Variants in LINGO2 observed in about 807,000 individuals in gnomAD.
The protein encoded by LINGO2 is leucine-rich repeat and immunoglobulin-like domain-containing nogo receptor-interacting protein 2.
A neutral mutation model predicts 30.6 loss-of-function variants in LINGO2; 14 were observed. The ratio of observed to expected loss-of-function variants is 0.46; its 90% confidence interval spans 0.30 to 0.72. LINGO2 has a LOEUF of 0.72. Among genes scored for constraint, LINGO2 ranks in the 30% least tolerant of loss-of-function variants. The pLI, the probability that LINGO2 is intolerant of heterozygous loss-of-function variation, is 0.07. For missense variants in LINGO2, 729 were observed against 751.7 expected (o/e 0.97, Z 0.35); for synonymous variants, 317 against 288.5 (o/e 1.10, Z -1.00).
chr9:28,970,502 G>A, the LINGO2 span, among the ~76,000 whole-genome samples: 98,688 of 151,866 alleles, frequency 0.65, 32,727 homozygotes, highest in Non-Finnish European at 0.72. Flanking sequence ...AAAAAATCTC[G>A]AATCGCTAAT....
the LINGO2 span, among the ~76,000 whole-genome samples, chr9:29,112,966 A>G: frequency 2.4e-4 from 37 of 152,240 alleles, no homozygotes; most frequent in Admixed American, 2.4e-3. Flanking sequence ...GACTTGCCCA[A>G]GATCTCACAT....
At chr9:28,441,158 T>C (rs2135016028) in intron 2 of LINGO2, among the ~76,000 whole-genome samples, 1 of 151,424 alleles carries the variant, frequency 6.6e-6, no homozygotes, top group Non-Finnish European at 1.5e-5. Flanking sequence ...CTGAGGCACC[T>C]TGATATTGGA....
intron 4 of LINGO2, among the ~76,000 whole-genome samples, chr9:28,134,748 TG>T (rs1191067224): frequency 6.6e-6 from 1 of 152,166 alleles, no homozygotes; most frequent in Admixed American, 6.5e-5. Context: ...TTAAAGACAA[TG>T]CCAGTGAAAA....
the LINGO2 span, among the ~76,000 whole-genome samples, chr9:28,797,359 T>TATAGAGAGAGAGAGAGAGAGAG: frequency 8.8e-5 from 3 of 34,206 alleles, no homozygotes; most frequent in East Asian, 1.6e-3. Flanking sequence ...TATATATATA[T>TATAGAGAGAGAGAGAGAGAGAG]AGAGAGAGAG....
At chr9:28,022,966 ACTC>A (rs1435809678) in intron 4 of LINGO2, among the ~76,000 whole-genome samples, 1 of 151,632 alleles carries the variant, frequency 6.6e-6, no homozygotes, top group Non-Finnish European at 1.5e-5. Flanking sequence ...CTACTAATGA[ACTC>A]CTCAAAGACA....
intron 4 of LINGO2, among the ~76,000 whole-genome samples, chr9:28,110,910 C>A (rs1450011498): frequency 6.6e-6 from 1 of 152,130 alleles, no homozygotes; most frequent in Non-Finnish European, 1.5e-5. Context: ...GATTATAAAT[C>A]ATTCTACTAT....
intron 1 of LINGO2, among the ~76,000 whole-genome samples, chr9:28,512,620 T>G (rs78670451): frequency 2.7e-5 from 1 of 37,166 alleles, no homozygotes; most frequent in South Asian, 1.1e-3. Context: ...TATATATATA[T>G]ATATATATAT....
chr9:28,943,865 A>C, the LINGO2 span, among the ~76,000 whole-genome samples: 3 of 152,292 alleles, frequency 2.0e-5, no homozygotes, highest in South Asian at 6.2e-4. Context: ...TCTTTGTTTA[A>C]GGGCCCAGTG....
chr9:28,837,086 G>C, the LINGO2 span, among the ~76,000 whole-genome samples: 1 of 152,080 alleles, frequency 6.6e-6, no homozygotes, highest in Non-Finnish European at 1.5e-5. Context: ...ATAAGTTCAG[G>C]CATCATAAAT....
chr9:28,294,957 T>C (rs533786047), intron 4 of LINGO2, among the ~76,000 whole-genome samples: 12 of 152,328 alleles, frequency 7.9e-5, no homozygotes, highest in Admixed American at 3.3e-4. Context: ...CTTTATAGTA[T>C]TGGCCTCTAC....
At chr9:28,138,258 G>A (rs565793965) in intron 4 of LINGO2, among the ~76,000 whole-genome samples, 43 of 152,228 alleles carry the variant, frequency 2.8e-4, no homozygotes, top group African/African-American at 9.4e-4. Context: ...CTAAAACACT[G>A]TTCAGTAATT....
the LINGO2 span, among the ~76,000 whole-genome samples, chr9:28,864,348 A>C: frequency 1.3e-5 from 2 of 152,122 alleles, no homozygotes; most frequent in Non-Finnish European, 2.9e-5. Flanking sequence ...ATGTTTATAA[A>C]ACTAAATTCT....
At chr9:28,522,504 G>A (rs1464199444) in intron 1 of LINGO2, among the ~76,000 whole-genome samples, 1 of 152,174 alleles carries the variant, frequency 6.6e-6, no homozygotes, top group African/African-American at 2.4e-5. Flanking sequence ...CACTCCATCA[G>A]AGTAGCACCA....
At chr9:28,712,215 G>A in the LINGO2 span, among the ~76,000 whole-genome samples, 1 of 152,012 alleles carries the variant, frequency 6.6e-6, no homozygotes, top group Non-Finnish European at 1.5e-5. Flanking sequence ...CATTTATATC[G>A]CTATAGAATA....
intron 1 of LINGO2, among the ~76,000 whole-genome samples, chr9:28,668,751 T>A (rs1398242442): frequency 6.6e-6 from 1 of 152,156 alleles, no homozygotes; most frequent in East Asian, 1.9e-4. Flanking sequence ...CAATTACATT[T>A]CACTGTGTCT....
chr9:28,719,760 A>G, the LINGO2 span, among the ~76,000 whole-genome samples: 1 of 152,036 alleles, frequency 6.6e-6, no homozygotes, highest in Non-Finnish European at 1.5e-5. Flanking sequence ...TCTAAGATGC[A>G]GGTCCATAGC....
At chr9:28,449,949 T>C (rs773617441) in intron 2 of LINGO2, among the ~76,000 whole-genome samples, 3 of 151,946 alleles carry the variant, frequency 2.0e-5, no homozygotes, top group South Asian at 2.1e-4. Flanking sequence ...GGTCCTTGCA[T>C]TGCAGGAAGG....
chr9:27,993,766 C>T (rs183021157), intron 5 of LINGO2, among the ~76,000 whole-genome samples: 124 of 151,942 alleles, frequency 8.2e-4, no homozygotes, highest in Admixed American at 1.9e-3. Context: ...AACATTTACC[C>T]CTAGTACCTA....
the LINGO2 span, among the ~76,000 whole-genome samples, chr9:29,124,756 A>C: frequency 6.6e-6 from 1 of 152,166 alleles, no homozygotes; most frequent in Admixed American, 6.5e-5. Context: ...AAAAGTCAGG[A>C]AACAAAAGAT....
Sources: allele counts gnomAD v4.1 joint callset (sites outside exome capture counted in the v4.1 genomes callset), GRCh38; gene constraint gnomAD v4.1.1; transcripts MANE v1.5; gene names NCBI Gene and HGNC (gene_info 2026-07-23, HGNC 2026-07-21).